The following SBF2 variants were observed in gnomAD, a reference collection of about 807,000 sequenced individuals.
SBF2 encodes SET binding factor 2, also known as myotubularin-related protein 13.
SBF2 carries 112 observed loss-of-function variants against 225.2 expected under a neutral mutation model. That is an observed-to-expected ratio of 0.50 (90% CI 0.43 to 0.58). SBF2 has a LOEUF of 0.58. Among genes scored for constraint, SBF2 ranks in the 20% least tolerant of loss-of-function variants. The pLI is 0.00. For synonymous variants in SBF2, 763 were observed against 773.3 expected (o/e 0.99, Z 0.22); for missense variants, 1,996 against 2,206.2 (o/e 0.90, Z 1.91).
intron 2 of SBF2, among the ~76,000 whole-genome samples, chr11:10,072,741 T>C (rs1207362046): frequency 6.7e-6 from 1 of 150,056 alleles, no homozygotes; most frequent in Non-Finnish European, 1.5e-5. Context: ...TTTCTTTTTT[T>C]TTTTTTTGGA....
intron 3 of SBF2, among the ~76,000 whole-genome samples, chr11:10,036,452 C>T (rs1410105353): frequency 6.6e-6 from 1 of 151,972 alleles, no homozygotes; most frequent in Non-Finnish European, 1.5e-5. Flanking sequence ...AGATGACTTG[C>T]AATAGTATTC....
At chr11:9,871,975 G>A (rs796889873) in intron 17 of SBF2, among the ~76,000 whole-genome samples, 2 of 152,068 alleles carry the variant, frequency 1.3e-5, no homozygotes, top group African/African-American at 2.4e-5. Flanking sequence ...CTGGGTATAC[G>A]CCCAAAGGAA....
chr11:10,186,372 A>G (rs1591168746), intron 2 of SBF2, among the ~76,000 whole-genome samples: 1 of 152,126 alleles, frequency 6.6e-6, no homozygotes, highest in Admixed American at 6.5e-5. Flanking sequence ...TGTCTCTAAG[A>G]AAAATAAGAA....
intron 1 of SBF2, among the ~76,000 whole-genome samples, chr11:10,215,132 T>G (rs1474509920): frequency 6.6e-6 from 1 of 152,198 alleles, no homozygotes; most frequent in African/African-American, 2.4e-5. Context: ...AGAGCCATTC[T>G]ACTTTTCTCA....
At chr11:10,048,584 C>A (rs1949955572) in intron 2 of SBF2, among the ~76,000 whole-genome samples, 3 of 152,266 alleles carry the variant, frequency 2.0e-5, no homozygotes, top group Middle Eastern at 3.4e-3. Flanking sequence ...ATTTGGCAGA[C>A]ATTTTCTCAA....
At chr11:9,967,971 C>CTCTCTCTCTCTCTCTCTCTATATA (rs1260685462) in intron 14 of SBF2, among the ~76,000 whole-genome samples, 11 of 91,500 alleles carry the variant, frequency 1.2e-4, no homozygotes, top group Admixed American at 7.6e-4. Flanking sequence ...CTCTCTCTCT[C>CTCTCTCTCTCTCTCTCTCTATATA]TATATATATA....
At chr11:10,106,029 T>TTCA (rs1396085285) in intron 2 of SBF2, among the ~76,000 whole-genome samples, 1 of 152,192 alleles carries the variant, frequency 6.6e-6, no homozygotes, top group African/African-American at 2.4e-5. Context: ...AGTTTTATTT[T>TTCA]TTATTATTAT....
At chr11:10,078,203 T>C (rs372045159) in intron 2 of SBF2, among the ~76,000 whole-genome samples, 1 of 152,218 alleles carries the variant, frequency 6.6e-6, no homozygotes, top group Non-Finnish European at 1.5e-5. Context: ...AGTTCAACCA[T>C]TGTGGAAGAC....
chr11:10,222,443 A>T (rs2135409514), intron 1 of SBF2, among the ~76,000 whole-genome samples: 1 of 152,372 alleles, frequency 6.6e-6, no homozygotes, highest in East Asian at 1.9e-4. Context: ...AACCTAAAAA[A>T]TAACAAAGTA....
intron 17 of SBF2, among the ~76,000 whole-genome samples, chr11:9,882,210 C>G (rs1348495379): frequency 6.6e-6 from 1 of 152,110 alleles, no homozygotes; most frequent in African/African-American, 2.4e-5. Context: ...AAAATGTATC[C>G]TAGGGCTTGC....
intron 2 of SBF2, among the ~76,000 whole-genome samples, chr11:10,121,285 G>C (rs1426172643): frequency 6.6e-6 from 1 of 152,176 alleles, no homozygotes; most frequent in Non-Finnish European, 1.5e-5. Flanking sequence ...TTTCAAGTAA[G>C]ACTGGTTTGC....
intron 17 of SBF2, among the ~76,000 whole-genome samples, chr11:9,887,510 A>G (rs1860434762): frequency 6.6e-6 from 1 of 152,152 alleles, no homozygotes; most frequent in African/African-American, 2.4e-5. Flanking sequence ...TTGTGCTGAA[A>G]GGGAAGAGGA....
intron 1 of SBF2, among the ~76,000 whole-genome samples, chr11:10,239,185 C>G (rs1051622525): frequency 6.7e-6 from 1 of 150,292 alleles, no homozygotes; most frequent in Non-Finnish European, 1.5e-5. Flanking sequence ...GAATAAAATC[C>G]TTTTCAAGCT....
rs568917444 is a variant in SBF2 at position 9,827,265 on chromosome 11, C to T, written c.3793+2091G>A. ...ATATCTGGGGCCAGGTGCTTTCTCACGCCTGTAATCCCAGCACTTTGGGAA... is the reference window on the plus strand; with the variant it reads ...ATATCTGGGGCCAGGTGCTTTCTCATGCCTGTAATCCCAGCACTTTGGGAA... On this transcript the variant is annotated intron_variant, in intron 28 of 39. Coordinates refer to ENST00000256190, the MANE Select transcript of SBF2 (RefSeq NM_030962.4). Among the ~76,000 whole-genome samples the T allele has an allele frequency of 2.6e-5, 4 of 152,292 alleles. No individual in the cohort carries two copies. In the East Asian group the frequency reaches 7.7e-4, roughly 29 times the overall value.
chr11:10,085,940 T>C (rs969317359), intron 2 of SBF2, among the ~76,000 whole-genome samples: 2 of 151,058 alleles, frequency 1.3e-5, no homozygotes, highest in African/African-American at 4.9e-5. Flanking sequence ...TCTAACAGAT[T>C]AATAGTATGT....
intron 1 of SBF2, among the ~76,000 whole-genome samples, chr11:10,238,501 C>CTAATGGTAAATATAGTAGCTTGTT (rs1167932120): frequency 2.6e-5 from 4 of 151,400 alleles, no homozygotes; most frequent in South Asian, 2.1e-4. Context: ...TTCAGGAATA[C>CTAATGGTAAATATAGTAGCTTGTT]TTCATATTGA....
chr11:10,035,655 T>TG (rs1949406504), intron 3 of SBF2, among the ~76,000 whole-genome samples: 1 of 151,894 alleles, frequency 6.6e-6, no homozygotes, highest in South Asian at 2.1e-4. Flanking sequence ...CCAAAAGACA[T>TG]GAAAAAAATG....
chr11:10,293,924 C>G, intron 1 of SBF2, 91 bp downstream of exon 1: 1 of 988,788 alleles, frequency 1.0e-6, no homozygotes, highest in Non-Finnish European at 1.3e-6. Flanking sequence ...CCCTCCCCGA[C>G]GCCCGTCCCC....
chr11:10,189,914 G>A (rs1434161366), intron 2 of SBF2, among the ~76,000 whole-genome samples: 1 of 152,136 alleles, frequency 6.6e-6, no homozygotes, highest in African/African-American at 2.4e-5. Flanking sequence ...CACTTTGGGA[G>A]GCCAAGGCAG....
Sources: gnomAD v4.1 joint callset for allele counts (sites outside exome capture counted in the v4.1 genomes callset) on GRCh38, gnomAD v4.1.1 for gene constraint, MANE v1.5 for transcripts, NCBI Gene and HGNC (gene_info 2026-07-23, HGNC 2026-07-21) for gene names.